TAFA1: variants seen among roughly 807,000 people sequenced by gnomAD.
The protein encoded by TAFA1 is TAFA chemokine like family member 1, also known as chemokine-like protein TAFA-1.
In TAFA1, 4 loss-of-function variants were observed where a neutral mutation model predicts 18.5. That is an observed-to-expected ratio of 0.22 (90% CI 0.11 to 0.49). The LOEUF (loss-of-function observed/expected upper bound fraction) is 0.49, where lower values mean the gene tolerates loss of function less well. Ranked by LOEUF, TAFA1 falls within the 20% of genes least tolerant of loss-of-function variation. TAFA1 has a pLI of 0.98. For missense variants in TAFA1, 147 were observed against 169.0 expected (o/e 0.87, Z 0.72); for synonymous variants, 56 against 55.2 (o/e 1.01, Z -0.06).
chr3:68,200,050 G>A (rs548624985), intron 2 of TAFA1, among the ~76,000 whole-genome samples: 21 of 151,604 alleles, frequency 1.4e-4, no homozygotes, highest in Non-Finnish European at 2.1e-4. Flanking sequence ...AATCATAAAT[G>A]GATGTTGGAT....
intron 2 of TAFA1, among the ~76,000 whole-genome samples, chr3:68,362,275 C>T (rs1214449183): frequency 1.3e-5 from 2 of 152,108 alleles, no homozygotes; most frequent in Non-Finnish European, 2.9e-5. Flanking sequence ...AAGCCATAAT[C>T]GGAGTCTATA....
chr3:68,487,611 G>T (rs1340037037), intron 3 of TAFA1, among the ~76,000 whole-genome samples: 1 of 151,898 alleles, frequency 6.6e-6, no homozygotes, highest in East Asian at 1.9e-4. Context: ...AATTAGCTGG[G>T]CGTGGTGGCA....
intron 2 of TAFA1, among the ~76,000 whole-genome samples, chr3:68,294,329 A>T (rs926257933): frequency 6.6e-6 from 1 of 152,224 alleles, no homozygotes; most frequent in Non-Finnish European, 1.5e-5. Context: ...AATGTATTTT[A>T]TCTAACCAAA....
At chr3:68,076,225 A>T (rs2064821718) in intron 2 of TAFA1, among the ~76,000 whole-genome samples, 1 of 151,820 alleles carries the variant, frequency 6.6e-6, no homozygotes, top group African/African-American at 2.4e-5. Flanking sequence ...GAGAATTCTA[A>T]AGTAGCCCAC....
At chr3:68,495,476 A>G (rs760301366) in intron 3 of TAFA1, among the ~76,000 whole-genome samples, 1 of 152,220 alleles carries the variant, frequency 6.6e-6, no homozygotes, top group Non-Finnish European at 1.5e-5. Flanking sequence ...TAGTGTATGC[A>G]AGAATGACTG....
chr3:68,400,538 C>T (rs1559652568), intron 2 of TAFA1, among the ~76,000 whole-genome samples: 2 of 152,146 alleles, frequency 1.3e-5, no homozygotes, highest in Non-Finnish European at 2.9e-5. Context: ...GTAATCCTCC[C>T]AACTATAAGG....
At chr3:68,120,956 T>C (rs2065391534) in intron 2 of TAFA1, among the ~76,000 whole-genome samples, 4 of 152,196 alleles carry the variant, frequency 2.6e-5, no homozygotes, top group Admixed American at 2.6e-4. Context: ...TTAAAGACCA[T>C]TTAAGAACTT....
intron 2 of TAFA1, among the ~76,000 whole-genome samples, chr3:68,260,107 G>A (rs898741806): frequency 3.4e-4 from 52 of 152,140 alleles, no homozygotes; most frequent in Non-Finnish European, 5.3e-4. Flanking sequence ...TTTGAGATAC[G>A]TCCCATCAAT....
At chr3:68,468,440 G>A (rs892550915) in intron 3 of TAFA1, among the ~76,000 whole-genome samples, 2 of 152,184 alleles carry the variant, frequency 1.3e-5, no homozygotes, top group African/African-American at 2.4e-5. Context: ...GAAGTTCTTT[G>A]TATTTGTGAG....
intron 2 of TAFA1, among the ~76,000 whole-genome samples, chr3:68,304,595 G>T (rs1434763329): frequency 6.6e-6 from 1 of 152,102 alleles, no homozygotes; most frequent in African/African-American, 2.4e-5. Context: ...TGGTACCTAG[G>T]AAATGAGATA....
intron 2 of TAFA1, among the ~76,000 whole-genome samples, chr3:68,396,225 A>G: frequency 6.6e-6 from 1 of 152,118 alleles, no homozygotes; most frequent in Non-Finnish European, 1.5e-5. Flanking sequence ...CAAATTTTAA[A>G]AATTGAAATG....
In TAFA1 at chr3:68,213,786, C is replaced by T. The variant is rs913359855; in HGVS notation, c.119-203494C>T. Among the ~76,000 whole-genome samples the T allele has an allele frequency of 2.0e-5, 3 of 152,048 alleles. No homozygotes were observed. In the East Asian group the frequency reaches 5.8e-4, roughly 29 times the overall value. On this transcript the variant is annotated intron_variant, in intron 2 of 4. Coordinates refer to ENST00000478136, the MANE Select transcript of TAFA1 (RefSeq NM_213609.4). Reference sequence around the variant, plus strand: ...TAAATGTCTGTGATCAGAAAGTGTACCCAGCTTAGAACTTCTTACCATTGG... The same window carrying T: ...TAAATGTCTGTGATCAGAAAGTGTATCCAGCTTAGAACTTCTTACCATTGG...
At chr3:68,124,355 T>C (rs997252608) in intron 2 of TAFA1, among the ~76,000 whole-genome samples, 1 of 152,192 alleles carries the variant, frequency 6.6e-6, no homozygotes, top group Non-Finnish European at 1.5e-5. Context: ...ATATGGGAGT[T>C]ATCAGATAAC....
intron 2 of TAFA1, among the ~76,000 whole-genome samples, chr3:68,338,915 C>T (rs1575788710): frequency 6.6e-6 from 1 of 152,142 alleles, no homozygotes. Context: ...CAAGTACAGG[C>T]CAAGTTTTTC....
At chr3:68,439,962 C>CA (rs1315239560) in intron 3 of TAFA1, among the ~76,000 whole-genome samples, 1 of 152,076 alleles carries the variant, frequency 6.6e-6, no homozygotes, top group Non-Finnish European at 1.5e-5. Flanking sequence ...GGAACTGCAC[C>CA]AATCCCCAAC....
At chr3:68,145,623 T>C (rs2065730026) in intron 2 of TAFA1, 4 of 1,383,486 alleles carry the variant, frequency 2.9e-6, no homozygotes, top group Non-Finnish European at 4.1e-6. Flanking sequence ...GTGGCTTTCC[T>C]TGAAGACTGA....
chr3:68,043,008 C>A (rs1412581063), intron 2 of TAFA1, among the ~76,000 whole-genome samples: 1 of 152,076 alleles, frequency 6.6e-6, no homozygotes, highest in East Asian at 1.9e-4. Flanking sequence ...CCTCAGCCTC[C>A]CAAGTAGTTG....
At chr3:68,487,730 G>T (rs1401231672) in intron 3 of TAFA1, among the ~76,000 whole-genome samples, 8 of 145,986 alleles carry the variant, frequency 5.5e-5, no homozygotes, top group Non-Finnish European at 1.0e-4. Context: ...CCAGCCTGGG[G>T]GACAGAGCGA....
At chr3:68,146,073 C>G (rs1467184109) in intron 2 of TAFA1, among the ~76,000 whole-genome samples, 1 of 152,178 alleles carries the variant, frequency 6.6e-6, no homozygotes, top group Non-Finnish European at 1.5e-5. Flanking sequence ...TCTGTTGATA[C>G]ATTGGTAGAA....
Sources: allele counts gnomAD v4.1 joint callset (sites outside exome capture counted in the v4.1 genomes callset), GRCh38; gene constraint gnomAD v4.1.1; transcripts MANE v1.5; gene names NCBI Gene and HGNC (gene_info 2026-07-23, HGNC 2026-07-21).